Variants in ATP8B4 observed in about 807,000 individuals in gnomAD.
The protein encoded by ATP8B4 is ATPase phospholipid transporting 8B4 (putative).
Under a neutral mutation model 145.6 loss-of-function variants are expected in ATP8B4, and 133 were observed. The observed-to-expected ratio is 0.91, with a 90% CI of 0.79 to 1.05. The LOEUF (loss-of-function observed/expected upper bound fraction) is 1.05. Ranked by LOEUF, ATP8B4 falls within the 50% of genes least tolerant of loss-of-function variation. The probability of loss-of-function intolerance (pLI) is 0.00; values close to 1 mark genes in which losing one functional copy is unlikely to be tolerated. For synonymous variants in ATP8B4, 507 were observed against 492.9 expected (o/e 1.03, Z -0.38); for missense variants, 1,458 against 1,425.2 (o/e 1.02, Z -0.37).
intron 12 of ATP8B4, among the ~76,000 whole-genome samples, chr15:49,978,238 G>C (rs2045843198): frequency 6.6e-6 from 1 of 152,174 alleles, no homozygotes; most frequent in African/African-American, 2.4e-5. Flanking sequence ...TGCTATAAAA[G>C]CTGACTGTAG....
chr15:49,981,197 G>C lies in ATP8B4; in HGVS notation c.837+9C>G. 6.4e-7 allele frequency: 1 copy of C among 1,564,736 alleles called. No homozygotes were observed. The highest frequency in any genetic ancestry group is 2.3e-5 in the East Asian group (1 of 44,420). ...ATGACTAGTGATATTGCCTAGTTTTGTAACTTACCCATAGTACTAGAGTAT... is the reference window on the plus strand; with the variant it reads ...ATGACTAGTGATATTGCCTAGTTTTCTAACTTACCCATAGTACTAGAGTAT... On this transcript the variant is annotated intron_variant, in intron 11 of 27. Transcript: ENST00000284509.
At chr15:50,154,847 G>C (rs1434353921) in intron 1 of ATP8B4, among the ~76,000 whole-genome samples, 1 of 151,964 alleles carries the variant, frequency 6.6e-6, no homozygotes, top group East Asian at 1.9e-4. Flanking sequence ...GCTAACTTTT[G>C]TATGTTTTGG....
chr15:50,124,147 C>T (rs2057292161), upstream of ATP8B4, among the ~76,000 whole-genome samples: 1 of 152,090 alleles, frequency 6.6e-6, no homozygotes, highest in East Asian at 1.9e-4. Context: ...CCTTTAATAT[C>T]TAAAAAGAAA....
chr15:50,108,965 G>A (rs966540855), intron 1 of ATP8B4, among the ~76,000 whole-genome samples: 1 of 152,122 alleles, frequency 6.6e-6, no homozygotes, highest in Non-Finnish European at 1.5e-5. Flanking sequence ...GCTTCCAGAT[G>A]CTAAAAGACA....
At chr15:50,038,073 A>T (rs751534184) in intron 6 of ATP8B4, among the ~76,000 whole-genome samples, 1 of 152,194 alleles carries the variant, frequency 6.6e-6, no homozygotes, top group Non-Finnish European at 1.5e-5. Context: ...ACATCATTAA[A>T]ATTTACTTTG....
intron 1 of ATP8B4, among the ~76,000 whole-genome samples, chr15:50,162,789 A>G (rs1272848951): frequency 1.3e-5 from 2 of 151,830 alleles, no homozygotes; most frequent in Non-Finnish European, 2.9e-5. Flanking sequence ...TACAGGCGTG[A>G]GCCACCGCGC....
chr15:50,008,943 T>C (rs960786930), intron 7 of ATP8B4, among the ~76,000 whole-genome samples: 1 of 152,216 alleles, frequency 6.6e-6, no homozygotes, highest in South Asian at 2.1e-4. Flanking sequence ...AAAATGATAG[T>C]TAAGTGTGTG....
chr15:49,958,546 T>A (rs1192761144), intron 14 of ATP8B4, among the ~76,000 whole-genome samples: 2 of 151,310 alleles, frequency 1.3e-5, no homozygotes, highest in African/African-American at 4.8e-5. Context: ...AAACAACACA[T>A]AAGAAATAAT....
intron 1 of ATP8B4, among the ~76,000 whole-genome samples, chr15:50,155,530 A>G (rs1458881659): frequency 1.3e-5 from 2 of 152,142 alleles, no homozygotes; most frequent in African/African-American, 4.8e-5. Flanking sequence ...CTTATTTACT[A>G]AAGATTTACT....
chr15:50,111,789 G>T (rs989547667), intron 1 of ATP8B4, among the ~76,000 whole-genome samples: 10 of 152,148 alleles, frequency 6.6e-5, no homozygotes, highest in African/African-American at 2.4e-4. Context: ...GACCATTGAT[G>T]TCTCTTTGTC....
rs1441223933 is a variant in ATP8B4 at position 49,859,434 on chromosome 15, A to G, written c.*760T>C. 6.6e-6 allele frequency: 1 copy of G among 152,220 alleles called. No homozygotes were observed. Among genetic ancestry groups the G allele is most frequent in the Non-Finnish European group, 1.5e-5 (1 of 68,036 alleles). The allele number at this position is 152,220 out of a possible 1,614,324, so 9.4% of individuals were successfully genotyped here. A position where few individuals can be genotyped will look rare whatever the true frequency, so the allele number is the denominator to read the frequency against. ...TACTACTGAGGTTGTTAGAAAAGCC[A>G]TTGAAAAGTATTTAGAATACTTAGT... On this transcript the variant is annotated 3_prime_UTR_variant, in exon 28 of 28. Coordinates refer to ENST00000284509, the MANE Select transcript of ATP8B4 (RefSeq NM_024837.4).
chr15:49,875,728 T>C (rs1254881533), intron 25 of ATP8B4, among the ~76,000 whole-genome samples: 2 of 151,978 alleles, frequency 1.3e-5, no homozygotes, highest in African/African-American at 4.8e-5. Context: ...ACATTCACAG[T>C]AAAAAGGAAA....
At chr15:50,150,014 T>C (rs888280659) in intron 1 of ATP8B4, among the ~76,000 whole-genome samples, 4 of 151,862 alleles carry the variant, frequency 2.6e-5, no homozygotes, top group Admixed American at 2.6e-4. Flanking sequence ...GGCAGGAGAA[T>C]CGCTTGAACC....
intron 1 of ATP8B4, among the ~76,000 whole-genome samples, chr15:50,137,732 C>T (rs1233407915): frequency 1.3e-5 from 2 of 152,168 alleles, no homozygotes; most frequent in Non-Finnish European, 2.9e-5. Flanking sequence ...TGTGAAGTGA[C>T]GCACATGATC....
chr15:50,043,145 C>G (rs1372713545), intron 5 of ATP8B4, among the ~76,000 whole-genome samples: 2 of 152,138 alleles, frequency 1.3e-5, no homozygotes, highest in African/African-American at 2.4e-5. Context: ...GGAATATAAA[C>G]CTGTAACTCA....
intron 1 of ATP8B4, among the ~76,000 whole-genome samples, chr15:50,112,879 GC>G (rs1235480307): frequency 5.3e-5 from 8 of 151,788 alleles, no homozygotes; most frequent in African/African-American, 1.9e-4. Context: ...TCTCAACAAG[GC>G]CCCTGCTTCC....
At chr15:50,055,748 A>G (rs1051801220) in intron 3 of ATP8B4, among the ~76,000 whole-genome samples, 1 of 152,238 alleles carries the variant, frequency 6.6e-6, no homozygotes, top group Non-Finnish European at 1.5e-5. Context: ...GCCATAAAAT[A>G]AAAAACAAAA....
At chr15:49,910,979 A>G (rs1339402376) in intron 20 of ATP8B4, among the ~76,000 whole-genome samples, 1 of 152,112 alleles carries the variant, frequency 6.6e-6, no homozygotes, top group Non-Finnish European at 1.5e-5. Context: ...CTCACTGGTA[A>G]AGCAAACACA....
At chr15:50,001,004 G>T (rs2047845230) in intron 8 of ATP8B4, among the ~76,000 whole-genome samples, 1 of 151,664 alleles carries the variant, frequency 6.6e-6, no homozygotes, top group Non-Finnish European at 1.5e-5. Flanking sequence ...ATGTCTTCAG[G>T]ATCTATACCA....
Sources: allele counts gnomAD v4.1 joint callset (sites outside exome capture counted in the v4.1 genomes callset), GRCh38; gene constraint gnomAD v4.1.1; transcripts MANE v1.5; gene names NCBI Gene and HGNC (gene_info 2026-07-23, HGNC 2026-07-21).